Variants in KIF13A observed in about 807,000 individuals in gnomAD.
KIF13A encodes kinesin-like protein KIF13A.
Under a neutral mutation model 212.2 loss-of-function variants are expected in KIF13A, and 79 were observed. That is an observed-to-expected ratio of 0.37 (90% confidence interval 0.31 to 0.45). KIF13A has a LOEUF of 0.45. Ranked by LOEUF, KIF13A falls within the 20% of genes least tolerant of loss-of-function variation. The probability of loss-of-function intolerance (pLI) is 1.00; values close to 1 mark genes in which losing one functional copy is unlikely to be tolerated. For synonymous variants in KIF13A, 789 were observed against 808.6 expected (o/e 0.98, Z 0.41); for missense variants, 1,901 against 2,209.0 (o/e 0.86, Z 2.79).
Position 17,859,459 on chromosome 6 carries a change from A to C in KIF13A, c.221-3337T>G, listed in dbSNP as rs1007726748. 2.4e-4 allele frequency among the ~76,000 whole-genome samples: 36 copies of C among 150,826 alleles called. 1 individual carries two copies. Among genetic ancestry groups the C allele is most frequent in the Middle Eastern group, 3.5e-3 (1 of 288 alleles). On this transcript the variant is annotated intron_variant, in intron 4 of 38. Coordinates refer to ENST00000259711, the MANE Select transcript of KIF13A (RefSeq NM_022113.6). ...TTCTACAAAAAATGTAAAAAAAAAA[A>C]CCAAAAAAACAAGAGTAAATTTTAG...
chr6:17,958,720 T>A (rs957811992), intron 2 of KIF13A, among the ~76,000 whole-genome samples: 3 of 152,216 alleles, frequency 2.0e-5, no homozygotes, highest in Non-Finnish European at 4.4e-5. Flanking sequence ...GATTTATTCT[T>A]ATACTTTAAT....
At chr6:17,866,623 C>T (rs1486429402) in intron 4 of KIF13A, among the ~76,000 whole-genome samples, 16 of 151,706 alleles carry the variant, frequency 1.1e-4, no homozygotes, top group Admixed American at 8.5e-4. Flanking sequence ...GTAGAGGGAT[C>T]GGCACAGTGC....
chr6:17,775,779 TG>T (rs1291722383), intron 34 of KIF13A, among the ~76,000 whole-genome samples: 56 of 152,140 alleles, frequency 3.7e-4, no homozygotes, highest in African/African-American at 1.3e-3. Flanking sequence ...CTCAAATTCC[TG>T]GCCTCAAGCA....
Position 17,771,235 on chromosome 6 carries a change from A to G in KIF13A, c.4477-17T>C, listed in dbSNP as rs890349086. The G allele has an allele frequency of 5.8e-6, 9 of 1,546,010 alleles. No individual in the cohort carries two copies. Among genetic ancestry groups the G allele is most frequent in the Non-Finnish European group, 8.0e-6 (9 of 1,122,126 alleles). The stretch of plus-strand genomic sequence containing the variant: ...AGGCATGCTCTGCAAAGGTTAAGAC[A>G]CACAGATGCATCACACACAAAGACG... On this transcript the variant is annotated splice_polypyrimidine_tract_variant and intron_variant, in intron 37 of 38. Coordinates refer to ENST00000259711, the MANE Select transcript of KIF13A (RefSeq NM_022113.6). This position sits in a 1 kb window ranked among gnomAD's most constrained non-coding sequence, Gnocchi z 5.4.
chr6:17,791,974 T>C (rs1761606525), intron 25 of KIF13A, among the ~76,000 whole-genome samples: 1 of 140,706 alleles, frequency 7.1e-6, no homozygotes, highest in Admixed American at 7.3e-5. Context: ...GAGGTCGAGG[T>C]GGGTGGATCA....
chr6:17,848,102 G>A (rs994253960), intron 9 of KIF13A, among the ~76,000 whole-genome samples: 4 of 152,070 alleles, frequency 2.6e-5, no homozygotes, highest in African/African-American at 7.2e-5. Flanking sequence ...GTGAGCCACC[G>A]TGCCTGGCTT....
rs1459600529 is a variant in KIF13A at position 17,773,602 on chromosome 6, G to A, written c.4219-19C>T. On this transcript the variant is annotated intron_variant, in intron 35 of 38. Coordinates refer to ENST00000259711, the MANE Select transcript of KIF13A (RefSeq NM_022113.6). This position sits in a 1 kb window ranked among gnomAD's most constrained non-coding sequence, Gnocchi z 4.2. The stretch of plus-strand genomic sequence containing the variant: ...GCCAACCCTACAAGGTAAAAATATG[G>A]GTTAACTGTAATTGAATCACTCCAA... The A allele has an allele frequency of 6.9e-7, 1 of 1,443,512 alleles. No individual in the cohort carries two copies. The highest frequency in any genetic ancestry group is 1.2e-5 in the South Asian group (1 of 83,976). The allele number at this position is 1,443,512 out of a possible 1,614,324, so 89.4% of individuals were successfully genotyped here.
intron 2 of KIF13A, among the ~76,000 whole-genome samples, chr6:17,943,127 C>T (rs904525285): frequency 5.9e-5 from 9 of 152,180 alleles, no homozygotes; most frequent in Admixed American, 2.0e-4. Context: ...TTTAGACTGA[C>T]ACAAAGTACA....
chr6:17,901,911 T>G (rs1290299676), intron 2 of KIF13A, among the ~76,000 whole-genome samples: 2 of 152,178 alleles, frequency 1.3e-5, no homozygotes, highest in Non-Finnish European at 2.9e-5. Context: ...GCATGAGAAT[T>G]GCTTGAACTC....
intron 2 of KIF13A, among the ~76,000 whole-genome samples, chr6:17,956,606 A>AT (rs1490214836): frequency 5.3e-5 from 8 of 152,240 alleles, no homozygotes; most frequent in African/African-American, 1.9e-4. Flanking sequence ...TTCCTGGCTC[A>AT]TAACTCCCAT....
intron 2 of KIF13A, among the ~76,000 whole-genome samples, chr6:17,911,862 T>C (rs1398862126): frequency 6.6e-6 from 1 of 151,948 alleles, no homozygotes; most frequent in East Asian, 1.9e-4. Flanking sequence ...CCTCCCGGGT[T>C]CAAGCGATTC....
At chr6:17,904,158 A>T (rs1016001116) in intron 2 of KIF13A, among the ~76,000 whole-genome samples, 4 of 151,752 alleles carry the variant, frequency 2.6e-5, no homozygotes, top group African/African-American at 9.7e-5. Context: ...CTCTGTCTCA[A>T]AAAAAATAAT....
rs374506758 is a variant in KIF13A, at chr6:17,948,348, G to T, written c.146+38706C>A. On this transcript the variant is annotated intron_variant, in intron 2 of 38. Coordinates refer to ENST00000259711, the MANE Select transcript of KIF13A (RefSeq NM_022113.6). Reference sequence around the variant, plus strand: ...CACTTTGGGAGAAGACTCTGTAGATGAACAAATTTCTGTTTTAAAAGAGCA... The same window carrying T: ...CACTTTGGGAGAAGACTCTGTAGATTAACAAATTTCTGTTTTAAAAGAGCA... Among the ~76,000 whole-genome samples, 6 of 152,216 alleles carry T rather than the reference G, an allele frequency of 3.9e-5. No homozygotes were observed. The South Asian group carries it at 1.2e-3, about 32-fold the overall frequency.
In KIF13A at chr6:17,769,175, T is replaced by C. The variant is rs138560326; in HGVS notation, c.4581+1939A>G. Among the ~76,000 whole-genome samples, 935 of 152,282 alleles carry C rather than the reference T, an allele frequency of 6.1e-3. 7 individuals carry two copies. The highest frequency in any genetic ancestry group is 0.021 in the African/African-American group (876 of 41,554). The stretch of plus-strand genomic sequence containing the variant: ...AAAGGAAGAAAACAGTCTGTACCCA[T>C]TTATAAGAGAAAAAACAAAATTAAA... On this transcript the variant is annotated intron_variant, in intron 38 of 38. Coordinates refer to ENST00000259711, the MANE Select transcript of KIF13A (RefSeq NM_022113.6). This position sits in a 1 kb window ranked among gnomAD's most constrained non-coding sequence, Gnocchi z 5.8.
chr6:17,980,248 A>G (rs1561834854), intron 2 of KIF13A, among the ~76,000 whole-genome samples: 1 of 152,238 alleles, frequency 6.6e-6, no homozygotes, highest in Non-Finnish European at 1.5e-5. Context: ...AGAATATGAT[A>G]CACAGCCACA....
At chr6:17,948,685 C>T (rs567019467) in intron 2 of KIF13A, among the ~76,000 whole-genome samples, 3 of 151,142 alleles carry the variant, frequency 2.0e-5, no homozygotes, top group Admixed American at 6.6e-5. Flanking sequence ...ATCAGCCTCC[C>T]GAGTAACTGG....
chr6:17,825,886 T>C lies in KIF13A; in HGVS notation c.1668A>G (p.Glu556=), dbSNP rs762673738. The C allele has an allele frequency of 6.2e-7, 1 of 1,614,032 alleles. No homozygotes were observed. The highest frequency in any genetic ancestry group is 2.2e-5 in the East Asian group (1 of 44,882). The change falls in exon 16 of 39, where the codon GAA becomes GAG. Residue 556 remains glutamate (E), a synonymous_variant. Transcript: ENST00000259711. The surrounding 1 kb of genome is among the most constrained non-coding windows in gnomAD (Gnocchi z 4.5). ...CATGCTCTGGCGGGCCCGTTTCTTT[T>C]TCAAAGTCTTTCAACCAATCTCGAC... ...RKRRDWLKDF[E]KETGPPEHDL... is the part of the protein sequence containing the mutation.
Position 17,787,985 on chromosome 6 carries a change from A to G in KIF13A, c.3262-110T>C. ...AACTAGGAAATTTTTCATTAGGAAA[A>G]GCTGTTGAACATTGCTGTGTGATTA... On this transcript the variant is annotated intron_variant, in intron 26 of 38. Transcript: ENST00000259711. The surrounding 1 kb of genome is among the most constrained non-coding windows in gnomAD (Gnocchi z 4.6). 1 of 710,202 alleles carries G rather than the reference A, an allele frequency of 1.4e-6. No homozygotes were observed. Among genetic ancestry groups the G allele is most frequent in the South Asian group, 1.7e-5 (1 of 58,128 alleles). 44.0% of individuals were successfully genotyped at this position (710,202 alleles called of 1,614,324 possible).
rs1774387425 is a variant in KIF13A, at chr6:17,915,191, C to T, written c.147-17011G>A. Among the ~76,000 whole-genome samples, 4 of 152,140 alleles carry T rather than the reference C, an allele frequency of 2.6e-5. No individual in the cohort carries two copies. In the South Asian group the frequency reaches 6.2e-4, roughly 24 times the overall value. ...TTCAGGGTTATTAGCTGAATAATCC[C>T]TTAGGTTACAGTTGAGACACACAAA... On this transcript the variant is annotated intron_variant, in intron 2 of 38. Transcript: ENST00000259711. The surrounding 1 kb of genome is among the most constrained non-coding windows in gnomAD (Gnocchi z 4.4).
Sources: allele counts gnomAD v4.1 joint callset (sites outside exome capture counted in the v4.1 genomes callset), GRCh38; gene constraint gnomAD v4.1.1; non-coding constraint Gnocchi (gnomAD v3.1); transcripts MANE v1.5; gene names NCBI Gene and HGNC (gene_info 2026-07-23, HGNC 2026-07-21).